The following DST variants were observed in gnomAD, a reference collection of about 807,000 sequenced individuals.
DST encodes the protein dystonin, also known as bullous pemphigoid antigen.
A neutral mutation model predicts 875.2 loss-of-function variants in DST; 253 were observed. That is an observed-to-expected ratio of 0.29 (90% CI 0.26 to 0.32). The LOEUF (loss-of-function observed/expected upper bound fraction) is 0.32, where lower values mean the gene tolerates loss of function less well. Among genes scored for constraint, DST ranks in the 10% least tolerant of loss-of-function variants. DST has a pLI of 1.00. For synonymous variants in DST, 3,124 were observed against 3,197.1 expected, an observed-to-expected ratio of 0.98 and a Z score of 0.77; for missense variants, 8,287 against 9,111.6, an observed-to-expected ratio of 0.91 and a Z score of 3.68.
intron 4 of DST, among the ~76,000 whole-genome samples, chr6:56,829,362 T>C (rs2099784446): frequency 6.6e-6 from 1 of 152,244 alleles, no homozygotes; most frequent in Non-Finnish European, 1.5e-5. Flanking sequence ...AAGTGTGAGT[T>C]TCTTCCAAAG....
intron 4 of DST, among the ~76,000 whole-genome samples, chr6:56,763,099 C>G (rs1292815097): frequency 6.6e-6 from 1 of 152,090 alleles, no homozygotes; most frequent in Non-Finnish European, 1.5e-5. Context: ...ATCTGCCCAT[C>G]TCGGCCTCCC....
chr6:56,945,837 A>T (rs1819145117), intron 2 of DST: 1 of 151,718 alleles, frequency 6.6e-6, no homozygotes, highest in East Asian at 1.9e-4. Context: ...GAAGCATTCC[A>T]TATTTAAAAA....
chr6:56,900,118 T>C (rs896084682), intron 3 of DST, among the ~76,000 whole-genome samples: 3 of 152,224 alleles, frequency 2.0e-5, no homozygotes, highest in Non-Finnish European at 4.4e-5. Context: ...CTAGATTTGT[T>C]GACTCTATGT....
chr6:56,701,964 G>A lies in DST; in HGVS notation c.878C>T (p.Pro293Leu), dbSNP rs762190994. ...HEDVEDEDKG[P>L]REKGRMRFHR... is the part of the protein sequence containing the mutation. ...AAAACGCATCCGACCTTTTTCTCTG[G>A]GCTAAGAACAGAAAAATGCAGGTAT... The change falls in exon 8 of 104, where the codon CCC becomes CTC. Residue 293 changes from proline (P) to leucine (L), a missense_variant and splice_region_variant. Physicochemically the swap from Pro to Leu is moderately conservative, Grantham distance 98. Coordinates refer to ENST00000680361, the MANE Select transcript of DST (RefSeq NM_001374736.1). The A allele has an allele frequency of 1.8e-5, 29 of 1,602,386 alleles. No individual in the cohort carries two copies. Among genetic ancestry groups the A allele is most frequent in the Admixed American group, 1.0e-4 (6 of 59,454 alleles).
intron 3 of DST, among the ~76,000 whole-genome samples, chr6:56,868,642 G>A (rs1775465834): frequency 6.6e-6 from 1 of 152,040 alleles, no homozygotes; most frequent in African/African-American, 2.4e-5. Flanking sequence ...AAAAACCAAT[G>A]ATAAAATAAA....
intron 4 of DST, among the ~76,000 whole-genome samples, chr6:56,754,205 ACTT>A (rs949980697): frequency 6.6e-6 from 1 of 152,234 alleles, no homozygotes; most frequent in Non-Finnish European, 1.5e-5. Context: ...ATAAAGTACA[ACTT>A]CTAAAAGGAA....
intron 4 of DST, among the ~76,000 whole-genome samples, chr6:56,769,880 T>G (rs1275326463): frequency 6.6e-6 from 1 of 152,224 alleles, no homozygotes; most frequent in African/African-American, 2.4e-5. Context: ...ATTCTCTTAT[T>G]ACTTTATTAT....
At chr6:56,582,402 CCT>C (rs143544525) in intron 49 of DST, among the ~76,000 whole-genome samples, 10 of 150,222 alleles carry the variant, frequency 6.7e-5, no homozygotes, top group Admixed American at 1.3e-4. Context: ...CACCTCTCTC[CCT>C]CTCTCTCTCT....
chr6:56,460,687 C>T (rs2094282698), intron 102 of DST: 1 of 152,868 alleles, frequency 6.5e-6, no homozygotes, highest in Admixed American at 6.5e-5. Context: ...TCTGCTGCCT[C>T]CATTGCTTTT....
Position 56,474,074 on chromosome 6 carries a change from G to A in DST, c.21865-72C>T. 3 of 1,268,524 alleles carry A rather than the reference G, an allele frequency of 2.4e-6. No individual in the cohort carries two copies. The South Asian group carries it at 4.2e-5, about 18-fold the overall frequency. 78.6% of individuals were successfully genotyped at this position (1,268,524 alleles called of 1,614,324 possible). A position where few individuals can be genotyped will look rare whatever the true frequency, so the allele number is the denominator to read the frequency against. On this transcript the variant is annotated intron_variant, in intron 92 of 103. Transcript: ENST00000680361. Reference sequence around the variant, plus strand: ...AACCGTCTTTAGAAATGAACTAAAAGCAGAAGGATAAAAGAACCATGTTAT... The same window carrying A: ...AACCGTCTTTAGAAATGAACTAAAAACAGAAGGATAAAAGAACCATGTTAT...
At chr6:56,647,296 T>G (rs939854518) in intron 13 of DST, among the ~76,000 whole-genome samples, 1 of 152,114 alleles carries the variant, frequency 6.6e-6, no homozygotes, top group Non-Finnish European at 1.5e-5. Flanking sequence ...TTTCCTGCCC[T>G]GGAAAATTAC....
Position 56,614,496 on chromosome 6 carries a change from G to T in DST, c.4930-12C>A. 1 of 1,587,604 alleles carries T rather than the reference G, an allele frequency of 6.3e-7. No individual in the cohort carries two copies. The highest frequency in any genetic ancestry group is 1.2e-5 in the South Asian group (1 of 85,498). ...TCTTCCAGTGACTTCTGACAGTTGT[G>T]AGCGGTAAGAAAAATATACACTGCA... On this transcript the variant is annotated splice_polypyrimidine_tract_variant and intron_variant, in intron 36 of 103. Transcript: ENST00000680361.
chr6:56,793,404 T>C (rs369011223), intron 4 of DST, among the ~76,000 whole-genome samples: 1 of 152,212 alleles, frequency 6.6e-6, no homozygotes, highest in East Asian at 1.9e-4. Context: ...AGCAAAATGT[T>C]AACACTCAGT....
At chr6:56,518,547 T>C (rs1226279635) in intron 69 of DST, among the ~76,000 whole-genome samples, 1 of 152,208 alleles carries the variant, frequency 6.6e-6, no homozygotes, top group Non-Finnish European at 1.5e-5. Flanking sequence ...ATTTTTGTTA[T>C]TATACAAACA....
At position 56,954,784 on chromosome 6, in the gene DST, G is replaced by A. The variant is rs575033955; in HGVS notation, c.-197C>T. 4.9e-4 allele frequency among the ~76,000 whole-genome samples: 74 copies of A among 150,028 alleles called. No homozygotes were observed. Among genetic ancestry groups the A allele is most frequent in the African/African-American group, 1.7e-3 (71 of 41,340 alleles). ...CGCTACGCGAGTGATCCAGGGCTGC[G>A]GGGAGCGCTTGCCATGACTCAGCAG... is the stretch of plus-strand genomic sequence containing the variant. On this transcript the variant is annotated 5_prime_UTR_variant, in exon 1 of 104. Coordinates refer to ENST00000680361, the MANE Select transcript of DST (RefSeq NM_001374736.1).
intron 47 of DST, 105 bp downstream of exon 47, chr6:56,597,635 C>A: frequency 8.3e-7 from 1 of 1,208,180 alleles, no homozygotes; most frequent in Non-Finnish European, 1.1e-6. Context: ...AGAAAAAAAC[C>A]TCTTTTGTCA....
intron 5 of DST, among the ~76,000 whole-genome samples, chr6:56,709,167 T>C (rs1360718700): frequency 1.3e-5 from 2 of 152,194 alleles, no homozygotes; most frequent in African/African-American, 4.8e-5. Flanking sequence ...CAAAAAAATA[T>C]GTATATAGCA....
chr6:56,939,556 A>T (rs1321656791), intron 2 of DST, among the ~76,000 whole-genome samples: 1 of 152,220 alleles, frequency 6.6e-6, no homozygotes, highest in African/African-American at 2.4e-5. Flanking sequence ...TCGATAAGAA[A>T]AATTACTTAC....
rs771840849 is a variant in DST at position 56,562,220 on chromosome 6, A to G, written c.14006-20T>C. 3 of 1,499,450 alleles carry G rather than the reference A, an allele frequency of 2.0e-6. No individual in the cohort carries two copies. Among genetic ancestry groups the G allele is most frequent in the Non-Finnish European group, 2.7e-6 (3 of 1,112,834 alleles). The allele number at this position is 1,499,450 out of a possible 1,614,324, so 92.9% of individuals were successfully genotyped here. ...CTCCACCTGCAAAAATAGTAACACT[A>G]AAATAATCACAGTTTCATAGTATTT... On this transcript the variant is annotated intron_variant, in intron 55 of 103. Transcript: ENST00000680361.
Sources: gnomAD v4.1 joint callset for allele counts (sites outside exome capture counted in the v4.1 genomes callset) on GRCh38, gnomAD v4.1.1 for gene constraint, MANE v1.5 for transcripts, NCBI Gene and HGNC (gene_info 2026-07-23, HGNC 2026-07-21) for gene names.